GPHN: variants seen among roughly 807,000 people sequenced by gnomAD.
The protein encoded by GPHN is gephyrin.
GPHN carries 17 observed loss-of-function variants against 95.5 expected under a neutral mutation model. The observed-to-expected ratio is 0.18, with a 90% CI of 0.12 to 0.27. The LOEUF (loss-of-function observed/expected upper bound fraction) is 0.27. Ranked by LOEUF, GPHN falls within the 10% of genes least tolerant of loss-of-function variation. The pLI, the probability that GPHN is intolerant of heterozygous loss-of-function variation, is 1.00. For synonymous variants in GPHN, 320 were observed against 322.5 expected, an observed-to-expected ratio of 0.99 and a Z score of 0.08; for missense variants, 660 against 978.1, an observed-to-expected ratio of 0.67 and a Z score of 4.34.
At chr14:67,298,621 A>C in the GPHN span, among the ~76,000 whole-genome samples, 1 of 152,234 alleles carries the variant, frequency 6.6e-6, no homozygotes, top group Non-Finnish European at 1.5e-5. Flanking sequence ...AAATTTTCTC[A>C]AAGTTTAGAT....
the GPHN span, among the ~76,000 whole-genome samples, chr14:67,721,329 A>G: frequency 6.6e-6 from 1 of 151,962 alleles, no homozygotes; most frequent in Non-Finnish European, 1.5e-5. Context: ...ATCCTAGCTC[A>G]CTTCAACCTT....
chr14:66,906,497 C>T (rs2065387209), intron 5 of GPHN, among the ~76,000 whole-genome samples: 1 of 152,140 alleles, frequency 6.6e-6, no homozygotes, highest in Non-Finnish European at 1.5e-5. Context: ...GGAGGAGGAA[C>T]ATCATGGATG....
At chr14:67,286,955 C>T in the GPHN span, among the ~76,000 whole-genome samples, 9 of 147,022 alleles carry the variant, frequency 6.1e-5, no homozygotes, top group Non-Finnish European at 9.0e-5. Context: ...TGGTGGCTCA[C>T]GCCTGTAATC....
chr14:67,727,153 T>C, the GPHN span: 58 of 1,613,960 alleles, frequency 3.6e-5, no homozygotes, highest in Non-Finnish European at 4.7e-5. Flanking sequence ...AGCTGGCCAA[T>C]GTGCTTTTTA....
At chr14:67,302,054 T>C in the GPHN span, 1 of 1,609,762 alleles carries the variant, frequency 6.2e-7, no homozygotes, top group African/African-American at 1.3e-5. Context: ...TATGAAAGTA[T>C]TGGCCAGTAT....
At chr14:66,746,969 G>A (rs1207275462) in intron 2 of GPHN, among the ~76,000 whole-genome samples, 1 of 152,084 alleles carries the variant, frequency 6.6e-6, no homozygotes, top group East Asian at 1.9e-4. Context: ...AAGAGGAGAG[G>A]GGGAAACAAA....
At chr14:67,032,211 T>G (rs1357595010) in intron 10 of GPHN, among the ~76,000 whole-genome samples, 1 of 152,148 alleles carries the variant, frequency 6.6e-6, no homozygotes, top group African/African-American at 2.4e-5. Context: ...ACATCCAATA[T>G]TCTAGCTTTT....
intron 3 of GPHN, among the ~76,000 whole-genome samples, chr14:66,822,380 T>G (rs1328414718): frequency 6.6e-6 from 1 of 152,232 alleles, no homozygotes; most frequent in Non-Finnish European, 1.5e-5. Context: ...TAGAATTACC[T>G]GGGAAGCTTT....
chr14:66,938,206 A>C (rs1036198042), intron 8 of GPHN, among the ~76,000 whole-genome samples: 4 of 152,212 alleles, frequency 2.6e-5, no homozygotes, highest in Non-Finnish European at 4.4e-5. Context: ...GCAAATAACT[A>C]TACTGTCAAG....
intron 8 of GPHN, among the ~76,000 whole-genome samples, chr14:66,940,367 CT>C: frequency 6.6e-6 from 1 of 151,980 alleles, no homozygotes; most frequent in East Asian, 1.9e-4. Context: ...TCCCTGGTTC[CT>C]TTTTCTTCCT....
At chr14:67,665,769 ATTG>A in the GPHN span, among the ~76,000 whole-genome samples, 1 of 152,122 alleles carries the variant, frequency 6.6e-6, no homozygotes, top group East Asian at 1.9e-4. Context: ...TGTCTCATTC[ATTG>A]TTGTGTGCCA....
chr14:67,188,829 CT>C, the GPHN span, among the ~76,000 whole-genome samples: 1 of 149,758 alleles, frequency 6.7e-6, no homozygotes, highest in Non-Finnish European at 1.5e-5. Context: ...CTTTTTCTTT[CT>C]TTCTTTCTTT....
At chr14:66,817,847 C>T (rs2061039161) in intron 3 of GPHN, among the ~76,000 whole-genome samples, 1 of 152,104 alleles carries the variant, frequency 6.6e-6, no homozygotes, top group African/African-American at 2.4e-5. Context: ...GAAACCTAGG[C>T]TTCAGAACAG....
At chr14:67,382,634 C>T in the GPHN span, 70 of 1,608,366 alleles carry the variant, frequency 4.4e-5, no homozygotes, top group African/African-American at 9.1e-4. Context: ...CAGGAGGTTC[C>T]TAAAAGGAGT....
intron 4 of GPHN, among the ~76,000 whole-genome samples, chr14:66,849,453 TA>T (rs1162439005): frequency 6.6e-6 from 1 of 152,110 alleles, no homozygotes; most frequent in Non-Finnish European, 1.5e-5. Flanking sequence ...TACATATTGC[TA>T]AATTACCCTC....
At chr14:67,252,819 T>C in the GPHN span, among the ~76,000 whole-genome samples, 3 of 152,354 alleles carry the variant, frequency 2.0e-5, no homozygotes, top group South Asian at 6.2e-4. Flanking sequence ...AGCTAAATAT[T>C]AGAGACTGTT....
chr14:67,277,148 A>G, the GPHN span, among the ~76,000 whole-genome samples: 3 of 152,216 alleles, frequency 2.0e-5, no homozygotes, highest in South Asian at 2.1e-4. Context: ...CATATAATCA[A>G]TGCCTAACAT....
In GPHN at chr14:67,161,375, CT is replaced by C. The variant is rs757484627; in HGVS notation, c.1910+1899del. The stretch of plus-strand genomic sequence containing the variant: ...ATTGTTATGCTATTGGGTATAACTG[CT>C]TTTTTTTTTTTCTGAGCCCATGGGC... On this transcript the variant is annotated intron_variant, in intron 19 of 22. Coordinates refer to ENST00000478722, the MANE Select transcript of GPHN (RefSeq NM_020806.5). Among the ~76,000 whole-genome samples the C allele has an allele frequency of 6.0e-3, 863 of 144,996 alleles. 5 individuals carry two copies. Among genetic ancestry groups the C allele is most frequent in the African/African-American group, 0.019 (744 of 39,990 alleles).
At position 66,953,401 on chromosome 14, in the gene GPHN, A is replaced by G. The variant is rs1043988134; in HGVS notation, c.829-11790A>G. On this transcript the variant is annotated intron_variant, in intron 8 of 22. Transcript: ENST00000478722. ...TGTCATATCTAAAAATCCATCACCA[A>G]AGTCGTGAAGATTTACCTTTATGTT... Among the ~76,000 whole-genome samples the G allele has an allele frequency of 2.0e-5, 3 of 152,066 alleles. No homozygotes were observed. In the South Asian group the frequency reaches 6.2e-4, roughly 31 times the overall value.
Sources: allele counts gnomAD v4.1 joint callset (sites outside exome capture counted in the v4.1 genomes callset), GRCh38; gene constraint gnomAD v4.1.1; transcripts MANE v1.5; gene names NCBI Gene and HGNC (gene_info 2026-07-23, HGNC 2026-07-21).